TPD52: variants seen among roughly 807,000 people sequenced by gnomAD.
TPD52 encodes the protein tumor protein D52.
Under a neutral mutation model 31.3 loss-of-function variants are expected in TPD52, and 17 were observed. The ratio of observed to expected loss-of-function variants is 0.54; its 90% CI spans 0.37 to 0.82. The LOEUF (loss-of-function observed/expected upper bound fraction) is 0.82, where lower values mean the gene tolerates loss of function less well. Among genes scored for constraint, TPD52 ranks in the 40% least tolerant of loss-of-function variants. The pLI, the probability that TPD52 is intolerant of heterozygous loss-of-function variation, is 0.00. For missense variants in TPD52, 212 were observed against 240.1 expected (o/e 0.88, Z 0.77); for synonymous variants, 83 against 89.6 (o/e 0.93, Z 0.42).
At chr8:80,098,957 G>A (rs1806527664) in intron 1 of TPD52, among the ~76,000 whole-genome samples, 1 of 152,182 alleles carries the variant, frequency 6.6e-6, no homozygotes, top group Non-Finnish European at 1.5e-5. Context: ...ACTCACTGAA[G>A]ACTCACTGAC....
intron 1 of TPD52, among the ~76,000 whole-genome samples, chr8:80,108,492 C>A (rs1263824796): frequency 6.6e-6 from 1 of 152,046 alleles, no homozygotes; most frequent in African/African-American, 2.4e-5. Context: ...TCTTGTCATC[C>A]ATAGGCAGTT....
intron 4 of TPD52, among the ~76,000 whole-genome samples, 189 bp from the exon 5 acceptor site, chr8:80,050,660 T>C (rs1811281252): frequency 6.6e-6 from 1 of 152,160 alleles, no homozygotes; most frequent in Non-Finnish European, 1.5e-5. Context: ...AAGAAAGCTA[T>C]ATTTATTACA....
intron 1 of TPD52, among the ~76,000 whole-genome samples, chr8:80,107,636 A>G (rs1458266474): frequency 6.6e-6 from 1 of 152,138 alleles, no homozygotes; most frequent in Non-Finnish European, 1.5e-5. Flanking sequence ...GTATTACTAA[A>G]CCAATTTATA....
At chr8:80,129,860 C>T (rs1384606442) in intron 1 of TPD52, among the ~76,000 whole-genome samples, 1 of 152,118 alleles carries the variant, frequency 6.6e-6, no homozygotes, top group African/African-American at 2.4e-5. Context: ...CCACCACACC[C>T]AGCTAATTTT....
intron 1 of TPD52, among the ~76,000 whole-genome samples, chr8:80,169,042 T>C (rs983520196): frequency 6.6e-6 from 1 of 152,190 alleles, no homozygotes; most frequent in Non-Finnish European, 1.5e-5. Flanking sequence ...TGGAGTGCAG[T>C]GGTTTGATCT....
chr8:80,145,169 G>T (rs1810105463), intron 1 of TPD52, among the ~76,000 whole-genome samples: 1 of 152,216 alleles, frequency 6.6e-6, no homozygotes, highest in South Asian at 2.1e-4. Flanking sequence ...AAGCACAGAA[G>T]TAGGTAAGAG....
intron 2 of TPD52, among the ~76,000 whole-genome samples, chr8:80,061,527 A>T (rs184602862): frequency 0.018 from 2,718 of 152,096 alleles, 29 homozygotes; most frequent in Middle Eastern, 0.037. Context: ...ACTGAAAAAT[A>T]AAAAAATTAA....
intron 1 of TPD52, among the ~76,000 whole-genome samples, chr8:80,114,712 G>T (rs1297763209): frequency 6.7e-6 from 1 of 149,142 alleles, no homozygotes; most frequent in East Asian, 1.9e-4. Context: ...CTGCCCCTGT[G>T]CCTCTGTTGA....
intron 1 of TPD52, among the ~76,000 whole-genome samples, chr8:80,147,787 A>C (rs1476638455): frequency 1.3e-5 from 2 of 151,912 alleles, no homozygotes. Context: ...AGCCTCTTCA[A>C]GACAGTGGGG....
At chr8:80,064,772 C>A in intron 1 of TPD52, 179 bp from the exon 2 acceptor site, 1 of 693,146 alleles carries the variant, frequency 1.4e-6, no homozygotes, top group South Asian at 1.5e-5. Context: ...GAGCTAACCA[C>A]CGGAAACTAC....
At chr8:80,163,858 A>G (rs1374094876) in intron 1 of TPD52, among the ~76,000 whole-genome samples, 1 of 127,018 alleles carries the variant, frequency 7.9e-6, no homozygotes, top group East Asian at 3.3e-4. Context: ...CAAAAATTAT[A>G]GCTTGGGGAA....
chr8:80,148,969 A>T (rs1399555522), intron 1 of TPD52, among the ~76,000 whole-genome samples: 22 of 152,168 alleles, frequency 1.4e-4, no homozygotes, highest in Admixed American at 1.4e-3. Context: ...CCAAATTTTT[A>T]GCTGTATCCA....
chr8:80,157,781 C>G (rs1811073646), intron 1 of TPD52, among the ~76,000 whole-genome samples: 1 of 152,210 alleles, frequency 6.6e-6, no homozygotes, highest in South Asian at 2.1e-4. Flanking sequence ...TTTCATTCTG[C>G]AAATATTTAA....
Position 80,042,632 on chromosome 8 carries a change from G to A in TPD52, c.492C>T (p.Val164=), listed in dbSNP as rs189055135. 4.0e-5 allele frequency: 65 copies of A among 1,609,572 alleles called. No individual in the cohort carries two copies. Among genetic ancestry groups the A allele is most frequent in the East Asian group, 3.6e-4 (16 of 44,744 alleles). Residue 164 remains valine (V), a synonymous_variant, in exon 7 of 8, where the codon GTC becomes GTT. Coordinates refer to ENST00000518937, the MANE Select transcript of TPD52 (RefSeq NM_001025253.3). ...TCTCTCTACTTGCCTTTAAGTTTTC[G>A]ACCTTTTCTTCAAATGATTTAAAAG... ...SPTFKSFEEK[V]ENLKSKVGGT...
At chr8:80,066,931 G>C (rs999871253) in intron 1 of TPD52, 1 of 152,140 alleles carries the variant, frequency 6.6e-6, no homozygotes. Flanking sequence ...GTTTTGTACA[G>C]AACTCCCAGG....
intron 4 of TPD52, 50 bp from the exon 5 acceptor site, chr8:80,050,521 C>G: frequency 6.4e-7 from 1 of 1,550,882 alleles, no homozygotes; most frequent in Non-Finnish European, 8.7e-7. Context: ...TCTGATAAAT[C>G]TAAAACAATT....
At chr8:80,042,213 A>G (rs1416891296) in intron 7 of TPD52, 1 of 985,350 alleles carries the variant, frequency 1.0e-6, no homozygotes, top group Non-Finnish European at 1.2e-6. Flanking sequence ...GCATAATAGC[A>G]CATACATCTA....
intron 2 of TPD52, among the ~76,000 whole-genome samples, chr8:80,061,130 C>G (rs1812473490): frequency 6.6e-6 from 1 of 151,810 alleles, no homozygotes; most frequent in Non-Finnish European, 1.5e-5. Context: ...CTTTGGGAGG[C>G]CGAGGCAGGC....
At chr8:80,113,030 T>TGA (rs1294186596) in intron 1 of TPD52, among the ~76,000 whole-genome samples, 1 of 152,218 alleles carries the variant, frequency 6.6e-6, no homozygotes, top group Admixed American at 6.5e-5. Flanking sequence ...AACCAAGTTT[T>TGA]GACGGCAACC....
Sources: gnomAD v4.1 joint callset for allele counts (sites outside exome capture counted in the v4.1 genomes callset) on GRCh38, gnomAD v4.1.1 for gene constraint, MANE v1.5 for transcripts, NCBI Gene and HGNC (gene_info 2026-07-23, HGNC 2026-07-21) for gene names.